ZP3: variants seen among roughly 807,000 people sequenced by gnomAD.
ZP3 encodes zona pellucida glycoprotein 3, also known as zona pellucida sperm-binding protein 3.
In ZP3, 21 loss-of-function variants were observed where a neutral mutation model predicts 35.6. That is an observed-to-expected ratio of 0.59 (90% CI 0.42 to 0.85). The LOEUF (loss-of-function observed/expected upper bound fraction) is 0.85. Ranked by LOEUF, ZP3 falls within the 40% of genes least tolerant of loss-of-function variation. The pLI, the probability that ZP3 is intolerant of heterozygous loss-of-function variation, is 0.00. For synonymous variants in ZP3, 207 were observed against 214.5 expected (o/e 0.96, Z 0.31); for missense variants, 437 against 536.5 (o/e 0.81, Z 1.83).
At chr7:76,423,576 T>C (rs1471676679), upstream of ZP3, among the ~76,000 whole-genome samples, 1 of 152,120 alleles carries the variant, frequency 6.6e-6, no homozygotes, top group Non-Finnish European at 1.5e-5. Context: ...CACATGATGA[T>C]GTCAGTGAAA....
chr7:76,425,834 G>C (rs1252335288), intron 1 of ZP3, among the ~76,000 whole-genome samples: 1 of 151,986 alleles, frequency 6.6e-6, no homozygotes, highest in Non-Finnish European at 1.5e-5. Flanking sequence ...GGCCTGGTGT[G>C]GTGGCTCACG....
At chr7:76,400,253 G>A in intron 1 of ZP3, 1 of 1,435,206 alleles carries the variant, frequency 7.0e-7, no homozygotes, top group Non-Finnish European at 9.2e-7. Context: ...GCCACAGTCT[G>A]TCTGTCCCTC....
Position 76,429,592 on chromosome 7 carries a change from G to A in ZP3, c.390G>A (p.Arg130=), listed in dbSNP as rs1805770505. The A allele has an allele frequency of 6.2e-7, 1 of 1,614,110 alleles. No individual in the cohort carries two copies. Among genetic ancestry groups the A allele is most frequent in the African/African-American group, 1.3e-5 (1 of 75,020 alleles). ...CCGTGGGAAACCTGTCCATCGTGAG[G>A]ACTAACCGCGCAGAGATTCCCATCG... ...PRPVGNLSIV[R]TNRAEIPIEC... The change falls in exon 2 of 8, where the codon AGG becomes AGA. Residue 130 remains arginine, a synonymous_variant. Transcript: ENST00000394857.
At position 76,400,234 on chromosome 7, in the gene ZP3, C is replaced by T. The variant is rs1021511259; in HGVS notation, c.-67+2437C>T. 30 of 1,430,520 alleles carry T rather than the reference C, an allele frequency of 2.1e-5. No individual in the cohort carries two copies. In the Admixed American group the frequency reaches 6.1e-4, roughly 29 times the overall value. The allele number at this position is 1,430,520 out of a possible 1,614,324, so 88.6% of individuals were successfully genotyped here. A position where few individuals can be genotyped will look rare whatever the true frequency, so the allele number is the denominator to read the frequency against. On this transcript the variant is annotated intron_variant, in intron 1 of 8. Coordinates refer to the ZP3 transcript ENST00000336517. ...CCCTTCATTTATCTAGCCTACAGCC[C>T]TGCTGCCTGCCACAGTCTGTCTGTC... is the stretch of plus-strand genomic sequence containing the variant.
At chr7:76,423,023 GAGAGAAAGAAAGAAAGAA>G (rs778724740), upstream of ZP3, among the ~76,000 whole-genome samples, 362 of 98,938 alleles carry the variant, frequency 3.7e-3, 12 homozygotes, top group East Asian at 0.022. Flanking sequence ...GAGAGAGAGA[GAGAGAAAGAAAGAAAGAA>G]AGAAAGAAAG....
chr7:76,425,612 C>T (rs1805628103), intron 1 of ZP3, among the ~76,000 whole-genome samples: 1 of 151,446 alleles, frequency 6.6e-6, no homozygotes, highest in Admixed American at 6.6e-5. Context: ...GGGGCTGTTT[C>T]TAAGGCTGGG....
intron 1 of ZP3, among the ~76,000 whole-genome samples, chr7:76,418,550 C>CAAAA (rs1203476650): frequency 2.3e-4 from 7 of 30,050 alleles, no homozygotes; most frequent in Admixed American, 6.3e-4. Context: ...GATTTCATCT[C>CAAAA]AAAAAAAAAA....
At chr7:76,425,729 C>T (rs1805631165) in intron 1 of ZP3, among the ~76,000 whole-genome samples, 2 of 152,034 alleles carry the variant, frequency 1.3e-5, no homozygotes, top group Non-Finnish European at 2.9e-5. Flanking sequence ...CTATGGGAGG[C>T]CAAGACTGGA....
chr7:76,421,797 A>T (rs1361101892), upstream of ZP3, among the ~76,000 whole-genome samples: 2 of 151,866 alleles, frequency 1.3e-5, no homozygotes, highest in East Asian at 3.9e-4. Context: ...CCTCTCTTGC[A>T]GGAATTTCAC....
intron 5 of ZP3, among the ~76,000 whole-genome samples, chr7:76,435,937 G>A (rs1805985753): frequency 6.6e-6 from 1 of 151,372 alleles, no homozygotes; most frequent in Non-Finnish European, 1.5e-5. Context: ...TTTTGGCCAG[G>A]CTGGTCTTGA....
intron 1 of ZP3, chr7:76,400,554 G>T: frequency 6.6e-7 from 1 of 1,510,072 alleles, no homozygotes; most frequent in Non-Finnish European, 8.9e-7. Flanking sequence ...CTTCCAGGCG[G>T]CCCCGGCAGC....
At chr7:76,406,088 C>T (rs1454749665) in intron 1 of ZP3, among the ~76,000 whole-genome samples, 5 of 152,040 alleles carry the variant, frequency 3.3e-5, no homozygotes, top group African/African-American at 4.8e-5. Flanking sequence ...CGGGTTCAAG[C>T]GATTCTCCTG....
intron 1 of ZP3, among the ~76,000 whole-genome samples, chr7:76,398,155 G>C (rs149674444): frequency 1.3e-5 from 2 of 151,970 alleles, no homozygotes; most frequent in African/African-American, 4.8e-5. Context: ...CCTGAGGAAC[G>C]GGACCCTCTT....
At chr7:76,436,837 C>CG (rs1270980427) in intron 5 of ZP3, among the ~76,000 whole-genome samples, 1 of 152,308 alleles carries the variant, frequency 6.6e-6, no homozygotes, top group African/African-American at 2.4e-5. Context: ...GAGGTGGTAG[C>CG]GGTCAGCATG....
At chr7:76,431,898 C>G (rs1178229784) in intron 2 of ZP3, among the ~76,000 whole-genome samples, 1 of 144,256 alleles carries the variant, frequency 6.9e-6, no homozygotes, top group Non-Finnish European at 1.5e-5. Flanking sequence ...GACTCCGTCT[C>G]AAAAAAAAAA....
intron 1 of ZP3, among the ~76,000 whole-genome samples, chr7:76,407,074 C>T (rs1160521052): frequency 6.6e-6 from 1 of 152,058 alleles, no homozygotes; most frequent in Non-Finnish European, 1.5e-5. Flanking sequence ...AATTCTTCTG[C>T]CTCAGCCTCC....
At chr7:76,423,027 GAAAGAAAGAAAGAAAGAAAGAAAGAA>G (rs1252771449), upstream of ZP3, among the ~76,000 whole-genome samples, 9 of 68,950 alleles carry the variant, frequency 1.3e-4, no homozygotes, top group East Asian at 4.9e-4. Context: ...GAGAGAGAGA[GAAAGAAAGAAAGAAAGAAAGAAAGAA>G]AGAAAGAAAG....
Position 76,405,873 on chromosome 7 carries a change from G to T in ZP3, c.-67+8076G>T, listed in dbSNP as rs140255958. Among the ~76,000 whole-genome samples, 187 of 152,116 alleles carry T rather than the reference G, an allele frequency of 1.2e-3. 1 individual carries two copies. Among genetic ancestry groups the T allele is most frequent in the African/African-American group, 4.2e-3 (173 of 41,514 alleles). On this transcript the variant is annotated intron_variant, in intron 1 of 8. Transcript: ENST00000336517. ...CCTCCAGGGCTGCACATTTGATTTT[G>T]TTTTCTTTCTTTCCTTCCTTCCTTC...
At chr7:76,425,746 C>T (rs904565501) in intron 1 of ZP3, among the ~76,000 whole-genome samples, 2 of 152,100 alleles carry the variant, frequency 1.3e-5, no homozygotes, top group Non-Finnish European at 2.9e-5. Context: ...TGGAGGATCA[C>T]TTGAGGCCAG....
Sources: gnomAD v4.1 joint callset for allele counts (sites outside exome capture counted in the v4.1 genomes callset) on GRCh38, gnomAD v4.1.1 for gene constraint, MANE v1.5 for transcripts, NCBI Gene and HGNC (gene_info 2026-07-23, HGNC 2026-07-21) for gene names.